Variants in CENPP observed in about 807,000 individuals in gnomAD.
CENPP encodes centromere protein P.
CENPP carries 24 observed loss-of-function variants against 35.6 expected under a neutral mutation model. That is an observed-to-expected ratio of 0.67 (90% CI 0.49 to 0.95). The LOEUF (loss-of-function observed/expected upper bound fraction) is 0.95, where lower values mean the gene tolerates loss of function less well. CENPP is among the 40% of genes least tolerant of loss of function. The probability of loss-of-function intolerance (pLI) is 0.00; values close to 1 mark genes in which losing one functional copy is unlikely to be tolerated. For synonymous variants in CENPP, 120 were observed against 125.5 expected, an observed-to-expected ratio of 0.96 and a Z score of 0.29; for missense variants, 332 against 345.3, an observed-to-expected ratio of 0.96 and a Z score of 0.31.
At chr9:92,487,178 A>C (rs756287954) in intron 5 of CENPP, among the ~76,000 whole-genome samples, 5 of 152,230 alleles carry the variant, frequency 3.3e-5, no homozygotes, top group Non-Finnish European at 5.9e-5. Flanking sequence ...ACCTCTTTCC[A>C]CTGAGCAGAC....
At chr9:92,409,969 CTCAG>C (rs1352914915) in intron 5 of CENPP, among the ~76,000 whole-genome samples, 1 of 152,138 alleles carries the variant, frequency 6.6e-6, no homozygotes, top group African/African-American at 2.4e-5. Context: ...CGGAGTCTTG[CTCAG>C]TCACCCAGGC....
chr9:92,596,877 G>C (rs528006280), intron 5 of CENPP, among the ~76,000 whole-genome samples: 36 of 152,010 alleles, frequency 2.4e-4, no homozygotes, highest in African/African-American at 8.4e-4. Flanking sequence ...TACTAGATCA[G>C]GGCTCTTCAA....
chr9:92,436,939 C>T (rs1406325394), intron 5 of CENPP, among the ~76,000 whole-genome samples: 1 of 152,154 alleles, frequency 6.6e-6, no homozygotes, highest in Non-Finnish European at 1.5e-5. Flanking sequence ...GTGGCTCACA[C>T]TTGTAATCCC....
rs1851564473 is a variant in CENPP at position 92,619,708 on chromosome 9, G to A, written c.*6559G>A. 3 of 731,212 alleles carry A rather than the reference G, an allele frequency of 4.1e-6. No individual in the cohort carries two copies. The highest frequency in any genetic ancestry group is 2.1e-5 in the Admixed American group (1 of 47,272). 45.3% of individuals were successfully genotyped at this position (731,212 alleles called of 1,614,324 possible). The stretch of plus-strand genomic sequence containing the variant: ...GGATTAGGAGCGAGGGCCACGGTGA[G>A]CACGGGCGTCAGGAGGTCGCCCTGT... On this transcript the variant is annotated 3_prime_UTR_variant, in exon 8 of 8. Transcript: ENST00000375587.
At chr9:92,400,851 C>G (rs557542684) in intron 5 of CENPP, among the ~76,000 whole-genome samples, 1 of 152,330 alleles carries the variant, frequency 6.6e-6, no homozygotes, top group Admixed American at 6.5e-5. Flanking sequence ...GGAAACCACA[C>G]TTTGTGGAGG....
At chr9:92,550,190 G>A (rs890683809) in intron 5 of CENPP, among the ~76,000 whole-genome samples, 2 of 152,210 alleles carry the variant, frequency 1.3e-5, no homozygotes, top group Admixed American at 1.3e-4. Flanking sequence ...GAGGTCAGGA[G>A]ATCGAGACCA....
chr9:92,566,311 A>C (rs1251165610), intron 5 of CENPP, among the ~76,000 whole-genome samples: 1 of 151,798 alleles, frequency 6.6e-6, no homozygotes, highest in Non-Finnish European at 1.5e-5. Flanking sequence ...AAAAAAAAAA[A>C]CAAAAACACA....
At chr9:92,405,524 T>G (rs527480246) in intron 5 of CENPP, among the ~76,000 whole-genome samples, 27 of 152,304 alleles carry the variant, frequency 1.8e-4, no homozygotes, top group Non-Finnish European at 3.4e-4. Flanking sequence ...TGAATTATCT[T>G]AAATTTAATT....
intron 5 of CENPP, among the ~76,000 whole-genome samples, chr9:92,380,678 G>A (rs1243026983): frequency 1.3e-5 from 2 of 152,134 alleles, no homozygotes; most frequent in Non-Finnish European, 2.9e-5. Context: ...ACCTTGAGGT[G>A]TTCTCATGAT....
chr9:92,510,058 A>G, intron 5 of CENPP: 1 of 1,583,634 alleles, frequency 6.3e-7, no homozygotes, highest in Non-Finnish European at 8.5e-7. Flanking sequence ...TCTCAAAGTT[A>G]CTTTTTTATC....
At chr9:92,482,033 T>A (rs1452869070) in intron 5 of CENPP, among the ~76,000 whole-genome samples, 1 of 151,978 alleles carries the variant, frequency 6.6e-6, no homozygotes, top group African/African-American at 2.4e-5. Context: ...TGGTAAGGCA[T>A]AATGACAGGT....
chr9:92,492,736 A>G (rs1214046200), intron 5 of CENPP, among the ~76,000 whole-genome samples: 1 of 152,154 alleles, frequency 6.6e-6, no homozygotes, highest in African/African-American at 2.4e-5. Context: ...ATTCTAAGGG[A>G]GAGACAGCTT....
At chr9:92,452,718 C>T (rs1459750264) in intron 5 of CENPP, among the ~76,000 whole-genome samples, 1 of 152,140 alleles carries the variant, frequency 6.6e-6, no homozygotes, top group East Asian at 1.9e-4. Context: ...GGCTGTGAAT[C>T]CATCTGGTCC....
intron 5 of CENPP, among the ~76,000 whole-genome samples, chr9:92,402,738 T>C (rs1001985068): frequency 1.3e-5 from 2 of 152,232 alleles, no homozygotes; most frequent in African/African-American, 4.8e-5. Context: ...TTTTTGGTAC[T>C]GTATGTAGAT....
At chr9:92,497,031 C>T (rs562256734) in intron 5 of CENPP, among the ~76,000 whole-genome samples, 65 of 151,900 alleles carry the variant, frequency 4.3e-4, no homozygotes, top group Middle Eastern at 3.4e-3. Flanking sequence ...CAAAATGGTG[C>T]GCCACCTCTG....
chr9:92,612,424 C>A, intron 6 of CENPP, 99 bp from the exon 7 acceptor site: 1 of 898,076 alleles, frequency 1.1e-6, no homozygotes, highest in Admixed American at 1.9e-5. Context: ...AGCAGGGGAG[C>A]CCAGCATGGG....
intron 4 of CENPP, among the ~76,000 whole-genome samples, chr9:92,360,921 A>T (rs921259227): frequency 6.6e-6 from 1 of 151,524 alleles, no homozygotes; most frequent in Admixed American, 6.6e-5. Context: ...GTTAGCCAGG[A>T]TAGTCTCGAT....
chr9:92,567,211 T>C (rs1306240739), intron 5 of CENPP, among the ~76,000 whole-genome samples: 2 of 151,826 alleles, frequency 1.3e-5, no homozygotes, highest in Non-Finnish European at 2.9e-5. Context: ...CGTGAAGAAA[T>C]AAAGATCTCA....
Position 92,411,162 on chromosome 9 carries a change from C to T in CENPP, c.564+31303C>T, listed in dbSNP as rs554424499. On this transcript the variant is annotated intron_variant, in intron 5 of 7. Coordinates refer to ENST00000375587, the MANE Select transcript of CENPP (RefSeq NM_001012267.3). ...TACTTTTTTGTATTTTTAGTAGAGACGGGGTTTCACTGTGTTAGCCAGGAT... is the reference window on the plus strand; with the variant it reads ...TACTTTTTTGTATTTTTAGTAGAGATGGGGTTTCACTGTGTTAGCCAGGAT... Among the ~76,000 whole-genome samples the T allele has an allele frequency of 3.6e-4, 55 of 152,056 alleles. 2 individuals carry two copies. The South Asian group carries it at 7.3e-3, about 20-fold the overall frequency.
Sources: allele counts gnomAD v4.1 joint callset (sites outside exome capture counted in the v4.1 genomes callset), GRCh38; gene constraint gnomAD v4.1.1; transcripts MANE v1.5; gene names NCBI Gene and HGNC (gene_info 2026-07-23, HGNC 2026-07-21).